Variants in ITSN2 observed in about 807,000 individuals in gnomAD.
ITSN2 encodes the protein intersectin-2.
A neutral mutation model predicts 243.7 loss-of-function variants in ITSN2; 156 were observed. That is an observed-to-expected ratio of 0.64 (90% CI 0.56 to 0.73). The LOEUF (loss-of-function observed/expected upper bound fraction) is 0.73, where lower values mean the gene tolerates loss of function less well. Ranked by LOEUF, ITSN2 falls within the 30% of genes least tolerant of loss-of-function variation. The pLI, the probability that ITSN2 is intolerant of heterozygous loss-of-function variation, is 0.00. For missense variants in ITSN2, 1,801 were observed against 1,996.1 expected (o/e 0.90, Z 1.86); for synonymous variants, 703 against 699.9 (o/e 1.00, Z -0.07).
chr2:24,216,404 C>T, intron 31 of ITSN2, 172 bp from the exon 32 acceptor site: 1 of 492,820 alleles, frequency 2.0e-6, no homozygotes, highest in Non-Finnish European at 3.5e-6. Context: ...AAAAGCTCTG[C>T]TGGTCAAGCC....
intron 3 of ITSN2, among the ~76,000 whole-genome samples, chr2:24,314,451 C>T (rs1010688469): frequency 1.3e-4 from 20 of 152,130 alleles, no homozygotes; most frequent in African/African-American, 3.9e-4. Context: ...AGTTACATAA[C>T]GTCTCTTAGT....
intron 20 of ITSN2, among the ~76,000 whole-genome samples, chr2:24,263,152 CATAAGT>C (rs1450049186): frequency 4.6e-5 from 7 of 152,066 alleles, no homozygotes; most frequent in Non-Finnish European, 7.3e-5. Flanking sequence ...GTAGCTAATA[CATAAGT>C]ATATGTACTT....
chr2:24,303,987 G>A, intron 8 of ITSN2, 125 bp from the exon 9 acceptor site: 1 of 703,058 alleles, frequency 1.4e-6, no homozygotes. Context: ...ACATCAAAAT[G>A]TTTTTACCAC....
chr2:24,218,500 A>G (rs1175437925), intron 30 of ITSN2, among the ~76,000 whole-genome samples: 1 of 152,226 alleles, frequency 6.6e-6, no homozygotes, highest in Admixed American at 6.5e-5. Context: ...CTGCTGAGGG[A>G]GAAATAGTAA....
At chr2:24,250,291 C>T (rs148556755) in intron 25 of ITSN2, among the ~76,000 whole-genome samples, 361 of 152,264 alleles carry the variant, frequency 2.4e-3, no homozygotes, top group Non-Finnish European at 3.8e-3. Context: ...TGGGATTTAG[C>T]GAACATTTTC....
chr2:24,238,785 CT>C (rs995645951), intron 29 of ITSN2: 1 of 152,098 alleles, frequency 6.6e-6, no homozygotes, highest in Non-Finnish European at 1.5e-5. Flanking sequence ...ATTTTGCCCC[CT>C]ATGATATAAA....
chr2:24,335,637 C>T (rs1000966342), intron 1 of ITSN2, among the ~76,000 whole-genome samples: 1 of 151,616 alleles, frequency 6.6e-6, no homozygotes, highest in African/African-American at 2.4e-5. Context: ...CCCAGCCTTC[C>T]AGGGCTGTTT....
chr2:24,346,624 G>A (rs1296295166), intron 1 of ITSN2, among the ~76,000 whole-genome samples: 2 of 152,084 alleles, frequency 1.3e-5, no homozygotes, highest in South Asian at 2.1e-4. Context: ...GTACCATACT[G>A]ATATAAGATA....
Position 24,204,065 on chromosome 2 carries a change from C to A in ITSN2, c.4936+180G>T. The A allele has an allele frequency of 1.5e-6, 1 of 657,212 alleles. No individual in the cohort carries two copies. Among genetic ancestry groups the A allele is most frequent in the Non-Finnish European group, 2.6e-6 (1 of 384,530 alleles). The allele number at this position is 657,212 out of a possible 1,614,324, so 40.7% of individuals were successfully genotyped here. ...GATGGGTCAAAGACCTGAAACACAT[C>A]TCAGGCCACCTCCTCCCCTGAGGAA... On this transcript the variant is annotated intron_variant, in intron 39 of 39. Transcript: ENST00000355123. The surrounding 1 kb of genome is among the most constrained non-coding windows in gnomAD (Gnocchi z 5.1).
chr2:24,319,671 C>G (rs1468240513), intron 2 of ITSN2, among the ~76,000 whole-genome samples: 1 of 152,206 alleles, frequency 6.6e-6, no homozygotes, highest in African/African-American at 2.4e-5. Flanking sequence ...CACTGGAAAC[C>G]CTCAGACTTG....
chr2:24,244,755 A>T (rs1243385345), intron 29 of ITSN2, among the ~76,000 whole-genome samples: 3 of 152,178 alleles, frequency 2.0e-5, no homozygotes, highest in African/African-American at 7.2e-5. Context: ...AAACCCTCCA[A>T]TATTTTTGGG....
chr2:24,273,611 C>CAT (rs1677648783), intron 18 of ITSN2: 1 of 152,132 alleles, frequency 6.6e-6, no homozygotes, highest in Non-Finnish European at 1.5e-5. Context: ...ATCATGGCCA[C>CAT]ATAAGTATGA....
At chr2:24,234,828 G>C (rs1671983734) in intron 29 of ITSN2, among the ~76,000 whole-genome samples, 1 of 152,198 alleles carries the variant, frequency 6.6e-6, no homozygotes, top group South Asian at 2.1e-4. Context: ...GCCAGAATCT[G>C]TAACACTGAC....
chr2:24,296,305 T>C (rs1680953343), intron 13 of ITSN2, among the ~76,000 whole-genome samples: 1 of 152,158 alleles, frequency 6.6e-6, no homozygotes, highest in South Asian at 2.1e-4. Context: ...TCTTCTTCTG[T>C]GAAGAAATCA....
chr2:24,297,677 C>T (rs1259543178), intron 13 of ITSN2, among the ~76,000 whole-genome samples: 2 of 152,192 alleles, frequency 1.3e-5, no homozygotes, highest in Admixed American at 1.3e-4. Flanking sequence ...CCGAGCTTCC[C>T]CTCTCCTGCC....
chr2:24,218,961 G>T, intron 30 of ITSN2, among the ~76,000 whole-genome samples: 1 of 152,084 alleles, frequency 6.6e-6, no homozygotes. Flanking sequence ...ACTCCTCCTG[G>T]AGGTTCCAGG....
At chr2:24,246,747 G>T in intron 28 of ITSN2, 50 bp downstream of exon 28, 2 of 1,153,962 alleles carry the variant, frequency 1.7e-6, no homozygotes, top group Non-Finnish European at 2.6e-6. Flanking sequence ...AAGTTGCTGA[G>T]TTTTAACAAA....
intron 20 of ITSN2, among the ~76,000 whole-genome samples, chr2:24,268,134 A>G (rs957980783): frequency 2.6e-5 from 4 of 152,222 alleles, no homozygotes; most frequent in African/African-American, 9.7e-5. Context: ...TGTTAGCAAA[A>G]TAGCATTAAC....
intron 1 of ITSN2, among the ~76,000 whole-genome samples, chr2:24,353,837 T>C (rs984235659): frequency 4.6e-5 from 7 of 152,232 alleles, no homozygotes; most frequent in African/African-American, 1.4e-4. Flanking sequence ...ATGGCAGCAT[T>C]AGTAATCATT....
Sources: gnomAD v4.1 joint callset for allele counts (sites outside exome capture counted in the v4.1 genomes callset) on GRCh38, gnomAD v4.1.1 for gene constraint, Gnocchi (gnomAD v3.1) non-coding constraint, MANE v1.5 for transcripts, NCBI Gene and HGNC (gene_info 2026-07-23, HGNC 2026-07-21) for gene names.